The following DST variants were observed in gnomAD, a reference collection of about 807,000 sequenced individuals.
DST encodes the protein bullous pemphigoid antigen.
Under a neutral mutation model 875.2 loss-of-function variants are expected in DST, and 253 were observed. The ratio of observed to expected loss-of-function variants is 0.29; its 90% CI spans 0.26 to 0.32. DST has a LOEUF of 0.32. DST is among the 10% of genes least tolerant of loss of function. The pLI is 1.00. For missense variants in DST, 8,287 were observed against 9,111.6 expected, an observed-to-expected ratio of 0.91 and a Z score of 3.68; for synonymous variants, 3,124 against 3,197.1, an observed-to-expected ratio of 0.98 and a Z score of 0.77.
intron 40 of DST, 40 bp from the exon 41 acceptor site, chr6:56,603,753 T>C: frequency 6.3e-7 from 1 of 1,580,966 alleles, no homozygotes; most frequent in Non-Finnish European, 8.6e-7. Flanking sequence ...ATAACCTTTA[T>C]GCAGATGTTT....
At chr6:56,459,297 CTTA>C (rs774450561) in intron 103 of DST, 30 bp from the exon 104 acceptor site, 8 of 1,592,580 alleles carry the variant, frequency 5.0e-6, no homozygotes, top group Non-Finnish European at 6.8e-6. Flanking sequence ...ACAGCTCACC[CTTA>C]TTATTGGGTC....
At chr6:56,676,513 T>TA (rs2099130983) in intron 9 of DST, among the ~76,000 whole-genome samples, 1 of 152,124 alleles carries the variant, frequency 6.6e-6, no homozygotes, top group African/African-American at 2.4e-5. Flanking sequence ...GCAATCCCAT[T>TA]ACTGGGATTA....
chr6:56,746,419 T>C (rs1246183893), intron 4 of DST, among the ~76,000 whole-genome samples: 3 of 152,198 alleles, frequency 2.0e-5, no homozygotes, highest in African/African-American at 7.2e-5. Context: ...ATGTTTACCA[T>C]AGCAAAATAT....
At chr6:56,949,954 T>C (rs1386553042) in intron 2 of DST, among the ~76,000 whole-genome samples, 1 of 152,220 alleles carries the variant, frequency 6.6e-6, no homozygotes, top group African/African-American at 2.4e-5. Context: ...CATTGTTTCA[T>C]TTAGGATAAC....
At position 56,639,693 on chromosome 6, in the gene DST, T is replaced by C. The variant is rs199547771; in HGVS notation, c.2697+3A>G. 10 of 1,613,212 alleles carry C rather than the reference T, an allele frequency of 6.2e-6. No homozygotes were observed. The highest frequency in any genetic ancestry group is 2.2e-5 in the East Asian group (1 of 44,828). Reference sequence around the variant, plus strand: ...AACAGAAGGTTTAAAAAAAAAAACTTACCAAGAGTTTTGCATACTGACTCT... The same window carrying C: ...AACAGAAGGTTTAAAAAAAAAAACTCACCAAGAGTTTTGCATACTGACTCT... On this transcript the variant is annotated splice_donor_region_variant and intron_variant, in intron 20 of 103. Transcript: ENST00000680361.
chr6:56,673,247 AAAAAC>A (rs921499587), intron 9 of DST, among the ~76,000 whole-genome samples: 21 of 152,172 alleles, frequency 1.4e-4, no homozygotes, highest in African/African-American at 2.7e-4. Flanking sequence ...CCTTAAAATC[AAAAAC>A]AAAACAAAAC....
chr6:56,621,367 C>T (rs2098689402), intron 36 of DST, among the ~76,000 whole-genome samples: 1 of 152,122 alleles, frequency 6.6e-6, no homozygotes, highest in African/African-American at 2.4e-5. Context: ...TTTATACTTG[C>T]CATATTATGA....
intron 84 of DST, 128 bp from the exon 85 acceptor site, chr6:56,492,561 T>C: frequency 1.0e-6 from 1 of 969,786 alleles, no homozygotes; most frequent in Admixed American, 2.7e-5. Context: ...ACCAAATGCA[T>C]GCTTTTGACT....
intron 4 of DST, among the ~76,000 whole-genome samples, chr6:56,789,196 A>G (rs2099710851): frequency 6.6e-6 from 1 of 152,134 alleles, no homozygotes; most frequent in Admixed American, 6.6e-5. Context: ...TTAGCCAGGC[A>G]TTGTCATGCA....
intron 9 of DST, among the ~76,000 whole-genome samples, chr6:56,696,670 C>G (rs1277157503): frequency 6.6e-6 from 1 of 152,174 alleles, no homozygotes; most frequent in Non-Finnish European, 1.5e-5. Context: ...CTTGGGTCTC[C>G]AATGTCTTCT....
At chr6:56,526,109 G>A (rs561618163) in intron 69 of DST, among the ~76,000 whole-genome samples, 23 of 152,258 alleles carry the variant, frequency 1.5e-4, no homozygotes, top group South Asian at 4.1e-4. Context: ...GCTGATCTTC[G>A]CAGTGTCTGA....
At chr6:56,634,106 G>A (rs758099834) in intron 27 of DST, 26 bp downstream of exon 27, 12 of 1,611,752 alleles carry the variant, frequency 7.4e-6, no homozygotes, top group East Asian at 4.5e-5. Context: ...TGGACATATC[G>A]AGTTGACATA....
intron 2 of DST, 149 bp from the exon 3 acceptor site, chr6:56,900,770 G>A (rs1324516908): frequency 8.3e-6 from 4 of 479,860 alleles, no homozygotes; most frequent in Non-Finnish European, 1.0e-5. Flanking sequence ...GAGGCTTAAC[G>A]TGCAAGTTAA....
chr6:56,461,954 C>T (rs569254645), intron 102 of DST: 4 of 152,220 alleles, frequency 2.6e-5, no homozygotes, highest in African/African-American at 9.6e-5. Context: ...TCCCACTTCT[C>T]AGCAATGAGA....
intron 87 of DST, among the ~76,000 whole-genome samples, chr6:56,486,772 A>G (rs1485227107): frequency 2.0e-5 from 3 of 152,200 alleles, no homozygotes; most frequent in African/African-American, 7.2e-5. Flanking sequence ...TTACATTTTT[A>G]AAAGACTATC....
At chr6:56,465,349 T>C (rs1410461427) in intron 99 of DST, among the ~76,000 whole-genome samples, 2 of 152,188 alleles carry the variant, frequency 1.3e-5, no homozygotes, top group African/African-American at 4.8e-5. Flanking sequence ...AAGAAAATTA[T>C]AACAATTTTA....
intron 9 of DST, among the ~76,000 whole-genome samples, chr6:56,687,542 A>G (rs1460305164): frequency 1.3e-5 from 2 of 152,180 alleles, no homozygotes; most frequent in Non-Finnish European, 2.9e-5. Context: ...CACATGGCTG[A>G]GAACGGTGCC....
intron 5 of DST, among the ~76,000 whole-genome samples, chr6:56,704,906 T>A (rs965898617): frequency 3.3e-5 from 5 of 152,230 alleles, no homozygotes; most frequent in African/African-American, 1.2e-4. Context: ...AATCCGTATG[T>A]GTCAGGTTAG....
chr6:56,525,913 A>T (rs1462663722), intron 69 of DST, among the ~76,000 whole-genome samples: 1 of 152,126 alleles, frequency 6.6e-6, no homozygotes, highest in Non-Finnish European at 1.5e-5. Flanking sequence ...TTACCAACAA[A>T]ACTGCTTCCT....
Sources: gnomAD v4.1 joint callset for allele counts (sites outside exome capture counted in the v4.1 genomes callset) on GRCh38, gnomAD v4.1.1 for gene constraint, MANE v1.5 for transcripts, NCBI Gene and HGNC (gene_info 2026-07-23, HGNC 2026-07-21) for gene names.